The following CAMK2D variants were observed in gnomAD, a reference collection of about 807,000 sequenced individuals.
The protein encoded by CAMK2D is calcium/calmodulin dependent protein kinase II delta, also known as calcium/calmodulin-dependent protein kinase type II subunit delta.
A neutral mutation model predicts 84.0 loss-of-function variants in CAMK2D; 37 were observed. The ratio of observed to expected loss-of-function variants is 0.44; its 90% confidence interval spans 0.34 to 0.58. The LOEUF is 0.58. Ranked by LOEUF, CAMK2D falls within the 20% of genes least tolerant of loss-of-function variation. The pLI, the probability that CAMK2D is intolerant of heterozygous loss-of-function variation, is 0.02. For missense variants in CAMK2D, 448 were observed against 652.5 expected, an observed-to-expected ratio of 0.69 and a Z score of 3.41; for synonymous variants, 202 against 212.5, an observed-to-expected ratio of 0.95 and a Z score of 0.43.
intron 20 of CAMK2D, 83 bp from the exon 21 acceptor site, chr4:113,454,598 G>C: frequency 1.3e-6 from 1 of 754,686 alleles, no homozygotes; most frequent in Non-Finnish European, 2.5e-6. Flanking sequence ...GATTTGACTA[G>C]GCTACAGTTT....
chr4:113,597,812 A>G (rs1489815934), intron 4 of CAMK2D, among the ~76,000 whole-genome samples: 1 of 151,942 alleles, frequency 6.6e-6, no homozygotes, highest in Non-Finnish European at 1.5e-5. Flanking sequence ...GAGATGTGTG[A>G]CTCTTCCTTT....
Position 113,502,942 on chromosome 4 carries a change from T to A in CAMK2D, c.1080A>T (p.Gly360=), listed in dbSNP as rs761142438. 7.5e-6 allele frequency: 12 copies of A among 1,603,770 alleles called. No homozygotes were observed. In the East Asian group the frequency reaches 2.2e-4, roughly 30 times the overall value. Residue 360 remains glycine (G), a synonymous_variant, in exon 15 of 21, where the codon GGA becomes GGT. Transcript: ENST00000511664. ...PQTTVIHNPD[G]NKESTESSNT... is the part of the protein sequence containing the mutation. Reference sequence around the variant, plus strand: ...GTTGATTCTTTCTGAATACCTTGTTTCCATCAGGGTTGTGGATTACAGTAG... The same window carrying A: ...GTTGATTCTTTCTGAATACCTTGTTACCATCAGGGTTGTGGATTACAGTAG...
chr4:113,479,242 C>G (rs971746068), intron 16 of CAMK2D, among the ~76,000 whole-genome samples: 4 of 152,156 alleles, frequency 2.6e-5, no homozygotes, highest in African/African-American at 9.7e-5. Context: ...TAGATATGCT[C>G]CTTTTTAAAT....
chr4:113,457,042 TG>T, intron 19 of CAMK2D: 3 of 345,242 alleles, frequency 8.7e-6, no homozygotes, highest in Non-Finnish European at 1.5e-5. Flanking sequence ...ACAAATATTT[TG>T]CCTTATTATA....
rs143074292 is a variant in CAMK2D, at chr4:113,514,142, C to T, written c.820-229G>A. ...AGAAAGTATAGAAATGGGCCGGGCG[C>T]GGTGGGTCACGCCTGTAATTCCAGC... On this transcript the variant is annotated intron_variant, in intron 10 of 20. Coordinates refer to ENST00000511664, the MANE Select transcript of CAMK2D (RefSeq NM_001321571.2). Among the ~76,000 whole-genome samples the T allele has an allele frequency of 4.2e-3, 632 of 152,144 alleles. 5 individuals are homozygous for T. Among genetic ancestry groups the T allele is most frequent in the African/African-American group, 0.014 (595 of 41,516 alleles).
intron 4 of CAMK2D, among the ~76,000 whole-genome samples, chr4:113,578,488 G>A (rs1191811403): frequency 6.6e-6 from 1 of 152,126 alleles, no homozygotes; most frequent in Non-Finnish European, 1.5e-5. Flanking sequence ...TTTTTCAAGT[G>A]TATTGCTTTA....
chr4:113,605,259 A>G (rs1304180047), intron 4 of CAMK2D, among the ~76,000 whole-genome samples: 1 of 152,200 alleles, frequency 6.6e-6, no homozygotes, highest in East Asian at 1.9e-4. Flanking sequence ...CCATAAGTCA[A>G]TTCTCCATTA....
At chr4:113,639,896 C>T (rs535138910) in intron 3 of CAMK2D, among the ~76,000 whole-genome samples, 144 of 152,062 alleles carry the variant, frequency 9.5e-4, no homozygotes, top group African/African-American at 3.2e-3. Context: ...ATCCGAGTTG[C>T]ATTTTTAAAA....
chr4:113,748,093 G>A (rs978741403), intron 2 of CAMK2D, among the ~76,000 whole-genome samples: 9 of 151,898 alleles, frequency 5.9e-5, no homozygotes, highest in African/African-American at 1.9e-4. Context: ...GCTCCTCTAG[G>A]AAGTTTTCCC....
intron 3 of CAMK2D, among the ~76,000 whole-genome samples, chr4:113,658,391 TCTGC>T: frequency 6.6e-6 from 1 of 152,206 alleles, no homozygotes; most frequent in Non-Finnish European, 1.5e-5. Flanking sequence ...ATTGGTTCCC[TCTGC>T]CTACAATGTT....
chr4:113,557,153 T>C (rs982411272), intron 4 of CAMK2D, among the ~76,000 whole-genome samples: 2 of 152,158 alleles, frequency 1.3e-5, no homozygotes, highest in African/African-American at 4.8e-5. Flanking sequence ...AAGTCTCTGC[T>C]ATCTCTCACA....
chr4:113,710,826 C>A (rs1374655978), intron 2 of CAMK2D, among the ~76,000 whole-genome samples: 1 of 152,106 alleles, frequency 6.6e-6, no homozygotes, highest in Non-Finnish European at 1.5e-5. Context: ...CAGCTTCATA[C>A]TGAAAAATGG....
rs377344317 is a variant in CAMK2D at position 113,642,669 on chromosome 4, T to C, written c.220+19044A>G. 2.6e-5 allele frequency among the ~76,000 whole-genome samples: 4 copies of C among 152,348 alleles called. No individual in the cohort carries two copies. The East Asian group carries it at 7.7e-4, about 29-fold the overall frequency. On this transcript the variant is annotated intron_variant, in intron 3 of 20. Transcript: ENST00000511664. ...TTTCCATAAAGAGATGGCAAAAGCA[T>C]ACTTCTCCTCTGATAAGGCTGTCTG...
chr4:113,547,633 G>T lies in CAMK2D; in HGVS notation c.414+11C>A, dbSNP rs367960396. The stretch of plus-strand genomic sequence containing the variant: ...GTGTGGTGGTTTATCTTCTTCAACC[G>T]CATTACTCACCTTCAGGTCCCGATG... On this transcript the variant is annotated intron_variant, in intron 6 of 20. Transcript: ENST00000511664. The T allele has an allele frequency of 5.9e-6, 9 of 1,527,668 alleles. No homozygotes were observed. The highest frequency in any genetic ancestry group is 4.4e-6 in the Non-Finnish European group (5 of 1,131,216). 94.6% of individuals were successfully genotyped at this position (1,527,668 alleles called of 1,614,324 possible). A position where few individuals can be genotyped will look rare whatever the true frequency, so the allele number is the denominator to read the frequency against.
At chr4:113,738,102 T>C (rs2099585328) in intron 2 of CAMK2D, among the ~76,000 whole-genome samples, 1 of 151,972 alleles carries the variant, frequency 6.6e-6, no homozygotes, top group Admixed American at 6.6e-5. Flanking sequence ...ATCTTGCTAA[T>C]GTTAGAAATC....
intron 16 of CAMK2D, among the ~76,000 whole-genome samples, chr4:113,494,814 C>T (rs1487754681): frequency 1.4e-4 from 22 of 152,300 alleles, no homozygotes; most frequent in South Asian, 1.0e-3. Context: ...TAGGACCCTC[C>T]GAGCCAGGTG....
Position 113,656,049 on chromosome 4 carries a change from T to C in CAMK2D, c.220+5664A>G, listed in dbSNP as rs562499232. Among the ~76,000 whole-genome samples the C allele has an allele frequency of 9.8e-5, 15 of 152,290 alleles. 1 individual carries two copies. In the South Asian group the frequency reaches 2.7e-3, roughly 27 times the overall value. On this transcript the variant is annotated intron_variant, in intron 3 of 20. Coordinates refer to ENST00000511664, the MANE Select transcript of CAMK2D (RefSeq NM_001321571.2). ...CTTATTTGATACATATGTTGACATA[T>C]AGCTCAGAATTTCTGGCTTACAACA...
chr4:113,743,935 G>A (rs1425653749), intron 2 of CAMK2D, among the ~76,000 whole-genome samples: 4 of 151,952 alleles, frequency 2.6e-5, no homozygotes, highest in African/African-American at 9.7e-5. Flanking sequence ...CTGCCTTCCA[G>A]GTTCATGCCA....
rs1429801437 is a variant in CAMK2D at position 113,452,890 on chromosome 4, T to C, written c.*1655A>G. ...AAAGCTTCAACCCATCTACCATACA[T>C]CCACTAGCAATAATATCTAAGATGA... On this transcript the variant is annotated 3_prime_UTR_variant, in exon 21 of 21. Coordinates refer to ENST00000511664, the MANE Select transcript of CAMK2D (RefSeq NM_001321571.2). 6.6e-6 allele frequency: 1 copy of C among 152,500 alleles called. No homozygotes were observed. The highest frequency in any genetic ancestry group is 1.5e-5 in the Non-Finnish European group (1 of 68,012). The allele number at this position is 152,500 out of a possible 1,614,324, so 9.4% of individuals were successfully genotyped here. A position where few individuals can be genotyped will look rare whatever the true frequency, so the allele number is the denominator to read the frequency against.
Sources: gnomAD v4.1 joint callset for allele counts (sites outside exome capture counted in the v4.1 genomes callset) on GRCh38, gnomAD v4.1.1 for gene constraint, MANE v1.5 for transcripts, NCBI Gene and HGNC (gene_info 2026-07-23, HGNC 2026-07-21) for gene names.